FER: variants seen among roughly 807,000 people sequenced by gnomAD.
FER encodes the protein FER tyrosine kinase, also known as tyrosine-protein kinase Fer.
A neutral mutation model predicts 111.0 loss-of-function variants in FER; 63 were observed. The observed-to-expected ratio is 0.57, with a 90% CI of 0.46 to 0.70. FER has a LOEUF of 0.70. Among genes scored for constraint, FER ranks in the 30% least tolerant of loss-of-function variants. FER has a pLI of 0.00. For missense variants in FER, 914 were observed against 954.0 expected, an observed-to-expected ratio of 0.96 and a Z score of 0.55; for synonymous variants, 327 against 313.9, an observed-to-expected ratio of 1.04 and a Z score of -0.44.
chr5:108,928,095 G>A (rs11960713), intron 10 of FER, among the ~76,000 whole-genome samples: 22,177 of 152,178 alleles, frequency 0.15, 1,678 homozygotes, highest in African/African-American at 0.18. Flanking sequence ...AGATAATATG[G>A]CTTAGCACAG....
chr5:109,055,615 T>A (rs975504397), intron 16 of FER, among the ~76,000 whole-genome samples: 2 of 151,282 alleles, frequency 1.3e-5, no homozygotes, highest in Admixed American at 6.6e-5. Context: ...TGAGATCCTG[T>A]CTCTATGACT....
At chr5:108,796,945 T>G (rs528691760) in intron 2 of FER, among the ~76,000 whole-genome samples, 307 of 151,530 alleles carry the variant, frequency 2.0e-3, no homozygotes, top group African/African-American at 7.0e-3. Flanking sequence ...AGAAGGAGTC[T>G]CTCACCATAG....
intron 17 of FER, among the ~76,000 whole-genome samples, chr5:109,107,001 A>T (rs1038527535): frequency 6.6e-6 from 1 of 152,182 alleles, no homozygotes; most frequent in Non-Finnish European, 1.5e-5. Flanking sequence ...TGAGGACTTA[A>T]GGGCAGTCCA....
rs1760190545 is a variant in FER at position 108,832,829 on chromosome 5, A to G, written c.267A>G (p.Ala89=). ...TTAGTAGGATAATGAAGACACATGCAGAGGACTTGAACTCTGGACCTTTAC... is the reference window on the plus strand; with the variant it reads ...TTAGTAGGATAATGAAGACACATGCGGAGGACTTGAACTCTGGACCTTTAC... The part of the protein sequence containing the change: ...EQLSRIMKTH[A]EDLNSGPLHR... The change falls in exon 4 of 20, where the codon GCA becomes GCG. Residue 89 remains alanine, a synonymous_variant. Coordinates refer to ENST00000281092, the MANE Select transcript of FER (RefSeq NM_005246.4). 1 of 1,605,388 alleles carries G rather than the reference A, an allele frequency of 6.2e-7. No homozygotes were observed. Among genetic ancestry groups the G allele is most frequent in the South Asian group, 1.1e-5 (1 of 89,600 alleles).
intron 13 of FER, among the ~76,000 whole-genome samples, chr5:108,994,816 G>T (rs1029797460): frequency 6.6e-6 from 1 of 152,022 alleles, no homozygotes; most frequent in African/African-American, 2.4e-5. Context: ...TCCTTGAAGA[G>T]GTCCTTCACT....
chr5:109,125,891 T>G (rs9285864), intron 17 of FER, among the ~76,000 whole-genome samples: 35,325 of 152,102 alleles, frequency 0.23, 4,273 homozygotes, highest in Non-Finnish European at 0.24. Context: ...CCTGACTGTT[T>G]CGGGACTCTT....
intron 8 of FER, among the ~76,000 whole-genome samples, chr5:108,879,183 T>G (rs1561551968): frequency 1.3e-5 from 2 of 152,156 alleles, no homozygotes; most frequent in Admixed American, 1.3e-4. Flanking sequence ...CTTATAATAT[T>G]ATAATATTTA....
chr5:108,897,304 T>C (rs865995125), intron 9 of FER, among the ~76,000 whole-genome samples: 1 of 152,310 alleles, frequency 6.6e-6, no homozygotes, highest in Middle Eastern at 3.4e-3. Flanking sequence ...ATACTTAAAG[T>C]AAATTTAAGA....
intron 10 of FER, among the ~76,000 whole-genome samples, chr5:108,903,577 A>G (rs1294521228): frequency 6.6e-6 from 1 of 152,204 alleles, no homozygotes; most frequent in Non-Finnish European, 1.5e-5. Context: ...AGAGGGAGGA[A>G]ATGAATATAT....
chr5:109,030,723 T>C (rs1374437661), intron 13 of FER, among the ~76,000 whole-genome samples: 1 of 152,126 alleles, frequency 6.6e-6, no homozygotes, highest in Non-Finnish European at 1.5e-5. Flanking sequence ...ACAGAGTACT[T>C]CCTGGGCTGG....
At chr5:109,163,006 CT>C (rs1447634769) in intron 17 of FER, among the ~76,000 whole-genome samples, 3 of 152,100 alleles carry the variant, frequency 2.0e-5, no homozygotes, top group African/African-American at 7.2e-5. Context: ...AGTCAGTATC[CT>C]TTTCCTATCT....
intron 17 of FER, among the ~76,000 whole-genome samples, chr5:109,158,817 CCTTT>C (rs1561970790): frequency 1.3e-5 from 2 of 152,110 alleles, no homozygotes; most frequent in African/African-American, 4.8e-5. Flanking sequence ...GAATGCTCTT[CCTTT>C]CTGTCTGCCT....
At chr5:108,913,866 T>TA (rs1439004439) in intron 10 of FER, among the ~76,000 whole-genome samples, 1 of 152,172 alleles carries the variant, frequency 6.6e-6, no homozygotes, top group Non-Finnish European at 1.5e-5. Context: ...GGCTGAATCT[T>TA]ACAAAAATAA....
chr5:108,843,561 C>T (rs746649898), intron 5 of FER, among the ~76,000 whole-genome samples: 7 of 147,894 alleles, frequency 4.7e-5, no homozygotes, highest in South Asian at 4.3e-4. Context: ...GATGGAGTCT[C>T]GCTCTGTCGC....
chr5:109,125,468 A>C (rs573931462), intron 17 of FER, among the ~76,000 whole-genome samples: 4 of 152,208 alleles, frequency 2.6e-5, no homozygotes, highest in Non-Finnish European at 4.4e-5. Context: ...GACTAAGTTC[A>C]CTGTCTCTTC....
chr5:108,758,497 A>G (rs962209202), intron 1 of FER, among the ~76,000 whole-genome samples: 5 of 152,230 alleles, frequency 3.3e-5, no homozygotes, highest in Non-Finnish European at 7.3e-5. Context: ...CTCTTTAGGT[A>G]CAGATAGACC....
intron 14 of FER, among the ~76,000 whole-genome samples, chr5:109,041,727 A>T (rs1411893969): frequency 6.6e-6 from 1 of 152,222 alleles, no homozygotes; most frequent in East Asian, 1.9e-4. Context: ...CAAATTGCCA[A>T]TAAACAAAAT....
intron 17 of FER, among the ~76,000 whole-genome samples, chr5:109,158,647 C>CG (rs972661119): frequency 5.8e-4 from 89 of 152,226 alleles, no homozygotes; most frequent in Middle Eastern, 6.8e-3. Flanking sequence ...ACATTGCCTT[C>CG]GGATGATAGC....
intron 15 of FER, 21 bp from the exon 16 acceptor site, chr5:109,047,083 G>T: frequency 3.2e-6 from 4 of 1,254,750 alleles, no homozygotes; most frequent in Non-Finnish European, 4.6e-6. Context: ...ATAACTATTC[G>T]TATATTTTCA....
Sources: allele counts gnomAD v4.1 joint callset (sites outside exome capture counted in the v4.1 genomes callset), GRCh38; gene constraint gnomAD v4.1.1; transcripts MANE v1.5; gene names NCBI Gene and HGNC (gene_info 2026-07-23, HGNC 2026-07-21).